Variants in WASHC2A observed in about 807,000 individuals in gnomAD.
The protein encoded by WASHC2A is WASH complex subunit 2A.
Under a neutral mutation model 140.3 loss-of-function variants are expected in WASHC2A, and 82 were observed. That is an observed-to-expected ratio of 0.58 (90% CI 0.49 to 0.70). The LOEUF (loss-of-function observed/expected upper bound fraction) is 0.70. WASHC2A is among the 30% of genes least tolerant of loss of function. WASHC2A has a pLI of 0.00. For missense variants in WASHC2A, 985 were observed against 1,521.8 expected (o/e 0.65, Z 5.87); for synonymous variants, 340 against 560.8 (o/e 0.61, Z 5.56).
rs1395588101 is a variant in WASHC2A at position 50,092,411 on chromosome 10, G to A, written c.1003+178G>A. Among the ~76,000 whole-genome samples the A allele has an allele frequency of 2.2e-4, 33 of 152,212 alleles. 1 individual carries two copies. Among genetic ancestry groups the A allele is most frequent in the African/African-American group, 7.0e-4 (29 of 41,528 alleles). ...GGTGGCTCACACCTGTAATCCCAGC[G>A]CTTTGGGAGGCCGAGGCGGGCGGAT... On this transcript the variant is annotated intron_variant, in intron 11 of 30. Transcript: ENST00000282633.
chr10:50,127,474 C>T, intron 27 of WASHC2A, 109 bp from the exon 28 acceptor site: 1 of 1,610,706 alleles, frequency 6.2e-7, no homozygotes, highest in Non-Finnish European at 8.5e-7. Context: ...CGTTTCTCTA[C>T]TCCTCTCGTA....
intron 3 of WASHC2A, among the ~76,000 whole-genome samples, chr10:50,075,530 T>C (rs1186920961): frequency 6.6e-6 from 1 of 151,828 alleles, no homozygotes; most frequent in Non-Finnish European, 1.5e-5. Flanking sequence ...CTCAGCCTCC[T>C]GAATAGCTGG....
At chr10:50,087,967 C>A (rs1379244320) in intron 8 of WASHC2A, among the ~76,000 whole-genome samples, 25 of 151,762 alleles carry the variant, frequency 1.6e-4, no homozygotes, top group Admixed American at 1.2e-3. Flanking sequence ...AGGTGCCCAC[C>A]ACCATGCTCA....
chr10:50,078,624 A>G (rs1589156057), intron 3 of WASHC2A, 51 bp from the exon 4 acceptor site: 1 of 1,611,684 alleles, frequency 6.2e-7, no homozygotes. Context: ...ATTGTGATTT[A>G]TTTCCAATGA....
chr10:50,125,987 T>G (rs1843392768), intron 25 of WASHC2A, 70 bp from the exon 26 acceptor site: 3 of 1,598,392 alleles, frequency 1.9e-6, no homozygotes, highest in African/African-American at 2.7e-5. Context: ...GGATTGTTTT[T>G]TGCATTATGA....
intron 20 of WASHC2A, among the ~76,000 whole-genome samples, chr10:50,113,024 C>T (rs1377513197): frequency 1.3e-5 from 2 of 151,946 alleles, no homozygotes; most frequent in African/African-American, 4.8e-5. Flanking sequence ...GAAGTATGCA[C>T]TTTAAAAGAG....
intron 17 of WASHC2A, among the ~76,000 whole-genome samples, chr10:50,102,387 A>T (rs1348751756): frequency 2.6e-5 from 4 of 152,154 alleles, no homozygotes; most frequent in African/African-American, 9.7e-5. Flanking sequence ...GTACCAAGAA[A>T]GGTATCAGTT....
chr10:50,105,122 A>C (rs1456111349), intron 18 of WASHC2A, among the ~76,000 whole-genome samples: 5 of 152,024 alleles, frequency 3.3e-5, no homozygotes, highest in Admixed American at 1.3e-4. Context: ...ACATATACCC[A>C]ATGACCTACA....
At chr10:50,114,530 CAAAA>C (rs1212563688) in intron 21 of WASHC2A, among the ~76,000 whole-genome samples, 1 of 109,998 alleles carries the variant, frequency 9.1e-6, no homozygotes, top group African/African-American at 3.5e-5. Context: ...TACTGCAGGC[CAAAA>C]AAAAAAAAAA....
At chr10:50,131,661 G>T (rs939881852) in intron 30 of WASHC2A, among the ~76,000 whole-genome samples, 6 of 152,156 alleles carry the variant, frequency 3.9e-5, no homozygotes, top group African/African-American at 1.4e-4. Flanking sequence ...TTGGACTTTT[G>T]ATAAATCCTG....
At chr10:50,106,120 G>A (rs1182090040) in intron 18 of WASHC2A, among the ~76,000 whole-genome samples, 48 of 149,970 alleles carry the variant, frequency 3.2e-4, no homozygotes, top group African/African-American at 8.6e-4. Context: ...CAGCTGTTCT[G>A]CCTTCGAGTT....
chr10:50,095,313 A>C (rs1840368132), intron 14 of WASHC2A, 106 bp downstream of exon 14: 1 of 1,020,610 alleles, frequency 9.8e-7, no homozygotes, highest in South Asian at 1.7e-5. Context: ...AGTACCTGGG[A>C]GCTTCAAAGG....
At chr10:50,124,869 C>CATATATATATATATAT (rs3067568) in intron 23 of WASHC2A, among the ~76,000 whole-genome samples, 35 of 149,174 alleles carry the variant, frequency 2.3e-4, no homozygotes, top group African/African-American at 8.4e-4. Flanking sequence ...AAAGCTTGTG[C>CATATATATATATATAT]ATATATATAT....
In WASHC2A at chr10:50,127,862, GT is replaced by G. The variant is rs1370949980; in HGVS notation, c.3087+70del. On this transcript the variant is annotated intron_variant, in intron 28 of 30. Coordinates refer to ENST00000282633, the MANE Select transcript of WASHC2A (RefSeq NM_001005751.3). ...CAGAACATGCATATGCTTCTTTCTAGTTTATCAGTTGCATACACAGCAGTCT... is the reference window on the plus strand; with the variant it reads ...CAGAACATGCATATGCTTCTTTCTAGTTATCAGTTGCATACACAGCAGTCT... 16 of 756,592 alleles carry G rather than the reference GT, an allele frequency of 2.1e-5. No homozygotes were observed. The African/African-American group carries it at 2.8e-4, about 13-fold the overall frequency. The allele number at this position is 756,592 out of a possible 1,614,324, so 46.9% of individuals were successfully genotyped here.
chr10:50,092,787 T>C (rs1840060115), intron 11 of WASHC2A, among the ~76,000 whole-genome samples: 1 of 152,102 alleles, frequency 6.6e-6, no homozygotes, highest in Non-Finnish European at 1.5e-5. Flanking sequence ...CCTAGAATTC[T>C]TAGAAGTATA....
intron 3 of WASHC2A, among the ~76,000 whole-genome samples, chr10:50,076,499 A>G (rs1554877873): frequency 6.6e-6 from 1 of 152,200 alleles, no homozygotes; most frequent in East Asian, 1.9e-4. Context: ...AGATTGGCAG[A>G]TACTTAAAGA....
Position 50,071,312 on chromosome 10 carries a change from C to CT in WASHC2A, c.291+1612dup, listed in dbSNP as rs1264804216. 4.4e-3 allele frequency among the ~76,000 whole-genome samples: 575 copies of CT among 131,076 alleles called. 1 individual carries two copies. The highest frequency in any genetic ancestry group is 0.013 in the African/African-American group (477 of 35,460). The allele number at this position is 131,076 out of a possible 152,430, so 86.0% of individuals were successfully genotyped here. A position where few individuals can be genotyped will look rare whatever the true frequency, so the allele number is the denominator to read the frequency against. On this transcript the variant is annotated intron_variant, in intron 3 of 30. Coordinates refer to ENST00000282633, the MANE Select transcript of WASHC2A (RefSeq NM_001005751.3). The stretch of plus-strand genomic sequence containing the variant: ...GAGTCCCAAAGGATTTGGGAAGTTT[C>CT]TTTTTTTTTTTGAGATGGAGTCTCA...
chr10:50,112,528 A>T (rs1239936674), intron 20 of WASHC2A: 1 of 158,378 alleles, frequency 6.3e-6, no homozygotes, highest in Non-Finnish European at 9.8e-6. Flanking sequence ...TCACCATATG[A>T]CATAATAGTT....
intron 3 of WASHC2A, among the ~76,000 whole-genome samples, chr10:50,070,481 T>G (rs568790841): frequency 3.7e-4 from 57 of 152,222 alleles, no homozygotes; most frequent in Non-Finnish European, 6.5e-4. Flanking sequence ...CTCCTGAGAT[T>G]GTTAGATATA....
Sources: allele counts gnomAD v4.1 joint callset (sites outside exome capture counted in the v4.1 genomes callset), GRCh38; gene constraint gnomAD v4.1.1; transcripts MANE v1.5; gene names NCBI Gene and HGNC (gene_info 2026-07-23, HGNC 2026-07-21).